The following DCLK1 variants were observed in gnomAD, a reference collection of about 807,000 sequenced individuals.
DCLK1 encodes doublecortin like kinase 1.
A neutral mutation model predicts 86.2 loss-of-function variants in DCLK1; 16 were observed. That is an observed-to-expected ratio of 0.19 (90% CI 0.13 to 0.28). The LOEUF is 0.28. DCLK1 is among the 10% of genes least tolerant of loss of function. The pLI is 1.00. For synonymous variants in DCLK1, 369 were observed against 370.5 expected (o/e 1.00, Z 0.05); for missense variants, 590 against 940.2 (o/e 0.63, Z 4.87).
At chr13:35,888,364 GA>G (rs749280999) in intron 4 of DCLK1, among the ~76,000 whole-genome samples, 1 of 152,164 alleles carries the variant, frequency 6.6e-6, no homozygotes, top group Non-Finnish European at 1.5e-5. Context: ...CCAAAGTGAA[GA>G]AAAGAAGAAA....
chr13:35,784,255 G>A (rs2086580586), intron 16 of DCLK1, among the ~76,000 whole-genome samples: 1 of 152,142 alleles, frequency 6.6e-6, no homozygotes, highest in African/African-American at 2.4e-5. Flanking sequence ...TCTCTCTTCA[G>A]TTTACACTCA....
intron 3 of DCLK1, among the ~76,000 whole-genome samples, chr13:35,965,835 G>C (rs2153138201): frequency 6.6e-6 from 1 of 152,108 alleles, no homozygotes; most frequent in Middle Eastern, 3.4e-3. Flanking sequence ...TAGAAATACT[G>C]TTCAGAGCCA....
chr13:36,116,114 G>A (rs865999001), intron 2 of DCLK1, among the ~76,000 whole-genome samples: 3 of 151,328 alleles, frequency 2.0e-5, no homozygotes, highest in Admixed American at 6.6e-5. Flanking sequence ...CACACCCAGT[G>A]AATTTTTATA....
chr13:36,103,480 G>T (rs1885293524), intron 3 of DCLK1, among the ~76,000 whole-genome samples: 1 of 151,080 alleles, frequency 6.6e-6, no homozygotes, highest in South Asian at 2.1e-4. Flanking sequence ...ATGCGACTAT[G>T]GGTAATTTTA....
At chr13:35,822,496 A>G (rs533564412) in intron 11 of DCLK1, among the ~76,000 whole-genome samples, 4 of 152,080 alleles carry the variant, frequency 2.6e-5, no homozygotes, top group Non-Finnish European at 5.9e-5. Context: ...CGCGAGTTCA[A>G]TTCCCATTCT....
At chr13:35,959,073 G>A (rs1024337955) in intron 3 of DCLK1, among the ~76,000 whole-genome samples, 8 of 152,108 alleles carry the variant, frequency 5.3e-5, no homozygotes, top group Non-Finnish European at 1.2e-4. Flanking sequence ...ATTCTGATGT[G>A]GGTACACAAC....
intron 16 of DCLK1, 145 bp downstream of exon 16, chr13:35,793,221 T>A (rs755359793): frequency 3.1e-4 from 158 of 512,978 alleles, no homozygotes; most frequent in South Asian, 2.7e-3. Flanking sequence ...ATAAGTCCCA[T>A]ACCTCCTCTA....
At chr13:35,868,424 C>T (rs1317453961) in intron 5 of DCLK1, among the ~76,000 whole-genome samples, 1 of 152,132 alleles carries the variant, frequency 6.6e-6, no homozygotes, top group Non-Finnish European at 1.5e-5. Context: ...ATATAAAACA[C>T]ATAAGAATTT....
rs1033291245 is a variant in DCLK1 at position 36,126,129 on chromosome 13, G to A, written c.9C>T (p.Phe3=). The A allele has an allele frequency of 1.3e-6, 2 of 1,590,430 alleles. No individual in the cohort carries two copies. The highest frequency in any genetic ancestry group is 1.1e-5 in the South Asian group (1 of 88,606). The change falls in exon 2 of 17, where the codon TTC becomes TTT. Residue 3 remains phenylalanine (F), a synonymous_variant. Coordinates refer to ENST00000360631, the MANE Select transcript of DCLK1 (RefSeq NM_001330071.2). The part of the protein sequence containing the change: MS[F]GRDMELEHFD... Reference sequence around the variant, plus strand: ...AGTGCTCCAGCTCCATGTCTCTGCCGAAGGACATGATGGACTTCAAGTAGG... The same window carrying A: ...AGTGCTCCAGCTCCATGTCTCTGCCAAAGGACATGATGGACTTCAAGTAGG...
At chr13:35,801,901 A>G (rs1222521667) in intron 15 of DCLK1, among the ~76,000 whole-genome samples, 2 of 152,206 alleles carry the variant, frequency 1.3e-5, no homozygotes, top group Non-Finnish European at 2.9e-5. Flanking sequence ...GTATATAAAC[A>G]AATTTGCTCA....
At chr13:35,886,749 C>A (rs1217625393) in intron 4 of DCLK1, among the ~76,000 whole-genome samples, 1 of 152,168 alleles carries the variant, frequency 6.6e-6, no homozygotes, top group Non-Finnish European at 1.5e-5. Flanking sequence ...GTTAGGACAG[C>A]TTTTGTGGAG....
intron 3 of DCLK1, among the ~76,000 whole-genome samples, chr13:36,066,159 T>G (rs1044083499): frequency 1.3e-5 from 2 of 152,230 alleles, no homozygotes; most frequent in African/African-American, 4.8e-5. Context: ...CTATGAAGTC[T>G]GTTGAGCACA....
At chr13:35,826,939 A>C (rs182496414) in intron 10 of DCLK1, among the ~76,000 whole-genome samples, 2 of 152,196 alleles carry the variant, frequency 1.3e-5, no homozygotes, top group African/African-American at 4.8e-5. Flanking sequence ...AAGACTTGAG[A>C]ACACAACAGC....
chr13:35,936,157 G>C lies in DCLK1; in HGVS notation c.823+11201C>G, dbSNP rs149503398. Among the ~76,000 whole-genome samples the C allele has an allele frequency of 6.4e-4, 98 of 152,234 alleles. 1 individual carries two copies. The highest frequency in any genetic ancestry group is 2.2e-3 in the African/African-American group (91 of 41,540). On this transcript the variant is annotated intron_variant, in intron 4 of 16. Transcript: ENST00000360631. ...GGTCAAGGGGAGAGAATTTCAAGGA[G>C]GGAATCATCAAAAATGTCAAATGCT...
chr13:35,815,066 C>T (rs182801040), intron 11 of DCLK1, among the ~76,000 whole-genome samples: 99 of 152,206 alleles, frequency 6.5e-4, no homozygotes, highest in Non-Finnish European at 8.5e-4. Flanking sequence ...ACAGATATAA[C>T]GAAAGGTCAG....
intron 3 of DCLK1, among the ~76,000 whole-genome samples, chr13:36,023,136 G>A (rs1255160421): frequency 3.3e-5 from 5 of 152,186 alleles, no homozygotes; most frequent in African/African-American, 1.2e-4. Context: ...GAATCAATAG[G>A]ATAGATATCT....
Position 35,822,717 on chromosome 13 carries a change from A to G in DCLK1, c.1554+12T>C. The stretch of plus-strand genomic sequence containing the variant: ...GGAACTCAGGATGCCCTGTAGGTGG[A>G]ATTCCTCTTACCAGCAGGTTCTCTG... On this transcript the variant is annotated intron_variant, in intron 11 of 16. Coordinates refer to ENST00000360631, the MANE Select transcript of DCLK1 (RefSeq NM_001330071.2). The G allele has an allele frequency of 6.2e-7, 1 of 1,614,050 alleles. No individual in the cohort carries two copies. The highest frequency in any genetic ancestry group is 1.3e-5 in the African/African-American group (1 of 75,004).
Position 35,849,460 on chromosome 13 carries a change from A to G in DCLK1, c.1035+5039T>C, listed in dbSNP as rs565561532. The stretch of plus-strand genomic sequence containing the variant: ...CTGGAGAATATCAAAACCATGCTTC[A>G]CAAGTCTTAAACTGTTAGTGTTTGA... On this transcript the variant is annotated intron_variant, in intron 6 of 16. Coordinates refer to ENST00000360631, the MANE Select transcript of DCLK1 (RefSeq NM_001330071.2). 3.8e-5 allele frequency: 37 copies of G among 985,392 alleles called. No individual in the cohort carries two copies. The Admixed American group carries it at 2.2e-3, about 57-fold the overall frequency. 61.0% of individuals were successfully genotyped at this position (985,392 alleles called of 1,614,324 possible). A position where few individuals can be genotyped will look rare whatever the true frequency, so the allele number is the denominator to read the frequency against.
Position 35,883,880 on chromosome 13 carries a change from C to G in DCLK1, c.824-12540G>C, listed in dbSNP as rs1345985332. Among the ~76,000 whole-genome samples the G allele has an allele frequency of 5.3e-5, 8 of 152,138 alleles. No individual in the cohort carries two copies. The East Asian group carries it at 1.4e-3, about 26-fold the overall frequency. On this transcript the variant is annotated intron_variant, in intron 4 of 16. Coordinates refer to ENST00000360631, the MANE Select transcript of DCLK1 (RefSeq NM_001330071.2). ...ACTGACGAGTGAGTCCTGCTGACAG[C>G]CTTGCACAGTGCAGTGGCTTCATGT...
Sources: allele counts gnomAD v4.1 joint callset (sites outside exome capture counted in the v4.1 genomes callset), GRCh38; gene constraint gnomAD v4.1.1; transcripts MANE v1.5; gene names NCBI Gene and HGNC (gene_info 2026-07-23, HGNC 2026-07-21).